Variants in ABTB3 observed in about 807,000 individuals in gnomAD.
The protein encoded by ABTB3 is ankyrin repeat- and BTB/POZ domain-containing protein 3.
the ABTB3 span, among the ~76,000 whole-genome samples, chr12:107,512,661 G>C: frequency 1.3e-5 from 2 of 152,212 alleles, no homozygotes; most frequent in Non-Finnish European, 2.9e-5. Context: ...GTGGCTAAGA[G>C]ATTGAGCTCT....
the ABTB3 span, among the ~76,000 whole-genome samples, chr12:107,389,148 G>A: frequency 6.6e-6 from 1 of 152,160 alleles, no homozygotes; most frequent in African/African-American, 2.4e-5. Flanking sequence ...ACTTGAGGTT[G>A]GAAAATGGAG....
At chr12:107,525,143 AG>A in the ABTB3 span, among the ~76,000 whole-genome samples, 4 of 151,898 alleles carry the variant, frequency 2.6e-5, no homozygotes, top group Admixed American at 2.0e-4. Context: ...TGGGCAACAT[AG>A]TGAGACTTTG....
chr12:107,653,259 G>A, the ABTB3 span, among the ~76,000 whole-genome samples: 5 of 152,206 alleles, frequency 3.3e-5, no homozygotes, highest in Admixed American at 6.5e-5. Context: ...GCTTATGCCT[G>A]TAATCCCAGC....
the ABTB3 span, among the ~76,000 whole-genome samples, chr12:107,335,199 A>T: frequency 3.5e-5 from 5 of 143,864 alleles, no homozygotes; most frequent in Non-Finnish European, 7.5e-5. Context: ...AGGTGGGAGG[A>T]TCACTTAAGC....
the ABTB3 span, among the ~76,000 whole-genome samples, chr12:107,548,047 G>A: frequency 6.6e-6 from 1 of 152,212 alleles, no homozygotes; most frequent in East Asian, 1.9e-4. Context: ...GAAAACACAT[G>A]TGGAAGAACT....
At chr12:107,499,648 C>T in the ABTB3 span, among the ~76,000 whole-genome samples, 38 of 150,818 alleles carry the variant, frequency 2.5e-4, no homozygotes, top group Admixed American at 8.6e-4. Flanking sequence ...CTTCATATGG[C>T]GGCAAGAGGG....
At chr12:107,473,040 G>C in the ABTB3 span, among the ~76,000 whole-genome samples, 49 of 152,300 alleles carry the variant, frequency 3.2e-4, no homozygotes, top group African/African-American at 1.1e-3. Flanking sequence ...AACAGGCGAG[G>C]CCACAGTAAG....
the ABTB3 span, among the ~76,000 whole-genome samples, chr12:107,630,322 TAGTG>T: frequency 3.9e-5 from 6 of 152,146 alleles, no homozygotes; most frequent in Non-Finnish European, 8.8e-5. Flanking sequence ...ATATGTAGCT[TAGTG>T]AGTGGGGAAA....
chr12:107,369,761 T>C, the ABTB3 span, among the ~76,000 whole-genome samples: 2 of 141,166 alleles, frequency 1.4e-5, no homozygotes, highest in Non-Finnish European at 3.0e-5. Context: ...TTCTGAGCTC[T>C]CTGCACCTTA....
At chr12:107,616,550 G>A in the ABTB3 span, among the ~76,000 whole-genome samples, 3 of 152,208 alleles carry the variant, frequency 2.0e-5, no homozygotes, top group African/African-American at 7.2e-5. Context: ...AACTGATCTT[G>A]CTGTCCAGAA....
the ABTB3 span, among the ~76,000 whole-genome samples, chr12:107,406,587 C>T: frequency 6.6e-6 from 1 of 152,160 alleles, no homozygotes; most frequent in African/African-American, 2.4e-5. Flanking sequence ...TCAACTAACC[C>T]ATAGCCAATA....
chr12:107,509,130 C>T, the ABTB3 span, among the ~76,000 whole-genome samples: 1 of 152,174 alleles, frequency 6.6e-6, no homozygotes, highest in African/African-American at 2.4e-5. Context: ...GAGAATGAGT[C>T]TCTTTCCTCT....
the ABTB3 span, among the ~76,000 whole-genome samples, chr12:107,503,045 C>A: frequency 6.6e-6 from 1 of 152,140 alleles, no homozygotes; most frequent in Non-Finnish European, 1.5e-5. Flanking sequence ...AGGGGACATG[C>A]CAGGCCTTAT....
the ABTB3 span, among the ~76,000 whole-genome samples, chr12:107,642,978 C>T: frequency 2.8e-4 from 42 of 152,262 alleles, no homozygotes; most frequent in South Asian, 7.7e-3. Context: ...GAAATTCACT[C>T]AACTCCCCAG....
At chr12:107,390,757 A>AGATTGGAATT in the ABTB3 span, among the ~76,000 whole-genome samples, 1 of 152,224 alleles carries the variant, frequency 6.6e-6, no homozygotes, top group African/African-American at 2.4e-5. Flanking sequence ...GAAAAGAAAG[A>AGATTGGAATT]GATTGGAATT....
At chr12:107,495,897 G>C in the ABTB3 span, among the ~76,000 whole-genome samples, 4 of 152,272 alleles carry the variant, frequency 2.6e-5, no homozygotes, top group East Asian at 7.7e-4. Flanking sequence ...CATGACATAA[G>C]ATATTAAAGT....
chr12:107,349,414 G>A, the ABTB3 span, among the ~76,000 whole-genome samples: 2 of 152,168 alleles, frequency 1.3e-5, no homozygotes, highest in Non-Finnish European at 2.9e-5. Flanking sequence ...GTGCATAACA[G>A]GTTCTCCAGT....
At chr12:107,568,261 T>C in the ABTB3 span, among the ~76,000 whole-genome samples, 1 of 152,210 alleles carries the variant, frequency 6.6e-6, no homozygotes, top group Non-Finnish European at 1.5e-5. Context: ...ATATTATACA[T>C]ATTTAAGCAT....
At chr12:107,490,892 A>G in the ABTB3 span, among the ~76,000 whole-genome samples, 2 of 152,102 alleles carry the variant, frequency 1.3e-5, no homozygotes, top group African/African-American at 4.8e-5. Flanking sequence ...CTTCACAACC[A>G]TCCTGAGCCA....
Sources: gnomAD v4.1 joint callset for allele counts (sites outside exome capture counted in the v4.1 genomes callset) on GRCh38, gnomAD v4.1.1 for gene constraint, MANE v1.5 for transcripts, NCBI Gene and HGNC (gene_info 2026-07-23, HGNC 2026-07-21) for gene names.